The following KYNU variants were observed in gnomAD, a reference collection of about 807,000 sequenced individuals.
KYNU encodes the protein L-kynurenine hydrolase.
A neutral mutation model predicts 59.2 loss-of-function variants in KYNU; 54 were observed. That is an observed-to-expected ratio of 0.91 (90% CI 0.73 to 1.14). The LOEUF (loss-of-function observed/expected upper bound fraction) is 1.14, where lower values mean the gene tolerates loss of function less well. KYNU is among the 50% of genes most tolerant of loss of function. The pLI, the probability that KYNU is intolerant of heterozygous loss-of-function variation, is 0.00. For synonymous variants in KYNU, 177 were observed against 192.0 expected (o/e 0.92, Z 0.65); for missense variants, 567 against 554.4 (o/e 1.02, Z -0.23).
intron 10 of KYNU, among the ~76,000 whole-genome samples, chr2:142,997,460 C>G (rs1041206585): frequency 6.6e-6 from 1 of 152,088 alleles, no homozygotes; most frequent in African/African-American, 2.4e-5. Flanking sequence ...TTTGTCTGAT[C>G]AGCACATTTT....
At chr2:142,956,165 TG>T (rs1684156918) in intron 5 of KYNU, 37 bp from the exon 6 acceptor site, 2 of 1,079,032 alleles carry the variant, frequency 1.9e-6, no homozygotes, top group Admixed American at 1.7e-5. Context: ...GTATAAATTG[TG>T]TATTAATGCT....
intron 8 of KYNU, among the ~76,000 whole-genome samples, chr2:142,964,103 A>G (rs1573847353): frequency 1.4e-5 from 2 of 148,118 alleles, no homozygotes; most frequent in Middle Eastern, 7.1e-3. Context: ...TGCAGTACCT[A>G]GCAGTACTTT....
intron 8 of KYNU, among the ~76,000 whole-genome samples, chr2:142,970,749 T>G (rs1429466453): frequency 1.3e-5 from 2 of 152,216 alleles, no homozygotes; most frequent in African/African-American, 2.4e-5. Flanking sequence ...TGGAATAGAA[T>G]GCAAATAACT....
intron 8 of KYNU, among the ~76,000 whole-genome samples, chr2:142,981,137 C>T (rs1685040527): frequency 6.6e-6 from 1 of 152,056 alleles, no homozygotes; most frequent in Non-Finnish European, 1.5e-5. Context: ...AGAAGTCATA[C>T]TTGATTTTTC....
chr2:142,912,534 C>T (rs1241515835), intron 2 of KYNU, among the ~76,000 whole-genome samples: 3 of 150,688 alleles, frequency 2.0e-5, no homozygotes, highest in Non-Finnish European at 3.0e-5. Context: ...CATGTGCCAC[C>T]GCACCCAGCT....
In KYNU at chr2:143,042,238, C is replaced by A. The variant is rs1030143498; in HGVS notation, c.*66C>A. 7.5e-6 allele frequency: 11 copies of A among 1,465,866 alleles called. No individual in the cohort carries two copies. Among genetic ancestry groups the A allele is most frequent in the South Asian group, 2.3e-5 (2 of 87,210 alleles). The allele number at this position is 1,465,866 out of a possible 1,614,324, so 90.8% of individuals were successfully genotyped here. A position where few individuals can be genotyped will look rare whatever the true frequency, so the allele number is the denominator to read the frequency against. ...CTGCTGTGGTTATTTCAGTATTATT[C>A]GATTTTTAATTATTGAAAGTATGTC... On this transcript the variant is annotated 3_prime_UTR_variant, in exon 14 of 14. Coordinates refer to ENST00000264170, the MANE Select transcript of KYNU (RefSeq NM_003937.3).
intron 10 of KYNU, among the ~76,000 whole-genome samples, chr2:143,022,314 T>TA (rs1686433315): frequency 1.3e-5 from 2 of 152,132 alleles, no homozygotes; most frequent in Admixed American, 1.3e-4. Context: ...GCTTTATTAA[T>TA]AAAATGAATT....
At chr2:142,906,784 T>C (rs1223822216) in intron 2 of KYNU, among the ~76,000 whole-genome samples, 1 of 151,966 alleles carries the variant, frequency 6.6e-6, no homozygotes, top group Non-Finnish European at 1.5e-5. Context: ...GACTGTTGAG[T>C]AGAGACTTCT....
At position 142,960,737 on chromosome 2, in the gene KYNU, T is replaced by C; in HGVS notation, c.696T>C (p.Asn232=). Residue 232 remains asparagine (N), a synonymous_variant, in exon 8 of 14, where the codon AAT becomes AAC. Coordinates refer to ENST00000264170, the MANE Select transcript of KYNU (RefSeq NM_003937.3). ...ATTTTTACACTGGACAGCACTTTAA[T>C]ATTCCTGCCATCACAAAAGCTGGAC... is the stretch of plus-strand genomic sequence containing the variant. ...GVHFYTGQHF[N]IPAITKAGQA... 6.2e-7 allele frequency: 1 copy of C among 1,614,062 alleles called. No homozygotes were observed. Among genetic ancestry groups the C allele is most frequent in the Non-Finnish European group, 8.5e-7 (1 of 1,179,970 alleles).
intron 4 of KYNU, among the ~76,000 whole-genome samples, chr2:142,954,485 A>G (rs1433565066): frequency 6.6e-6 from 1 of 152,120 alleles, no homozygotes. Context: ...GCACAAAAAT[A>G]TGCTCCTTGG....
chr2:142,877,872 A>G (rs1466605690), intron 1 of KYNU, 136 bp downstream of exon 1: 4 of 151,962 alleles, frequency 2.6e-5, no homozygotes, highest in East Asian at 1.9e-4. Context: ...CTTTTTTTAT[A>G]TATATTCTTT....
chr2:142,975,828 C>T (rs1475766548), intron 8 of KYNU, among the ~76,000 whole-genome samples: 3 of 152,132 alleles, frequency 2.0e-5, no homozygotes, highest in Non-Finnish European at 4.4e-5. Flanking sequence ...TAAATCACTA[C>T]GTAAACATGT....
chr2:143,014,319 G>A (rs1251837876), intron 10 of KYNU, among the ~76,000 whole-genome samples: 2 of 152,212 alleles, frequency 1.3e-5, no homozygotes, highest in Admixed American at 6.5e-5. Context: ...ACCTGGCTAA[G>A]TATTGGGAAC....
At chr2:142,963,106 A>C (rs550794874) in intron 8 of KYNU, among the ~76,000 whole-genome samples, 3 of 152,324 alleles carry the variant, frequency 2.0e-5, no homozygotes, top group Non-Finnish European at 4.4e-5. Flanking sequence ...TAAAATCTTC[A>C]TAGTCATGTG....
intron 8 of KYNU, among the ~76,000 whole-genome samples, chr2:142,961,273 T>A: frequency 6.9e-6 from 1 of 145,930 alleles, no homozygotes; most frequent in African/African-American, 2.5e-5. Flanking sequence ...CTATTTAAAC[T>A]GCTTTTTTTT....
intron 2 of KYNU, among the ~76,000 whole-genome samples, chr2:142,907,967 T>C (rs1165255548): frequency 6.6e-6 from 1 of 152,212 alleles, no homozygotes; most frequent in Non-Finnish European, 1.5e-5. Flanking sequence ...TGCTTTTCCA[T>C]CAAAACATAT....
intron 10 of KYNU, among the ~76,000 whole-genome samples, chr2:143,025,629 AT>A (rs113443848): frequency 0.011 from 1,669 of 150,756 alleles, 29 homozygotes; most frequent in African/African-American, 0.038. Context: ...ACTTTAGATA[AT>A]TTTTTTTTTA....
intron 10 of KYNU, among the ~76,000 whole-genome samples, chr2:143,003,473 T>C (rs1024895131): frequency 7.9e-5 from 12 of 152,180 alleles, no homozygotes; most frequent in African/African-American, 2.9e-4. Flanking sequence ...ATCCCCGCTA[T>C]TCAGGAGGCT....
At position 143,006,198 on chromosome 2, in the gene KYNU, C is replaced by T. The variant is rs530297359; in HGVS notation, c.902+20177C>T. Among the ~76,000 whole-genome samples, 275 of 152,054 alleles carry T rather than the reference C, an allele frequency of 1.8e-3. 1 individual carries two copies. Among genetic ancestry groups the T allele is most frequent in the African/African-American group, 6.1e-3 (255 of 41,496 alleles). The stretch of plus-strand genomic sequence containing the variant: ...CAGTGGGCGCAGGCCAGTGGGTGCA[C>T]GCACCGTGCGCGAGCCGAAACAGGG... On this transcript the variant is annotated intron_variant, in intron 10 of 13. Transcript: ENST00000264170.
Sources: allele counts gnomAD v4.1 joint callset (sites outside exome capture counted in the v4.1 genomes callset), GRCh38; gene constraint gnomAD v4.1.1; transcripts MANE v1.5; gene names NCBI Gene and HGNC (gene_info 2026-07-23, HGNC 2026-07-21).